Variants in PAX5 observed in about 807,000 individuals in gnomAD.
PAX5 encodes paired box 5.
Under a neutral mutation model 43.7 loss-of-function variants are expected in PAX5, and 9 were observed. That is an observed-to-expected ratio of 0.21 (90% CI 0.12 to 0.36). The LOEUF (loss-of-function observed/expected upper bound fraction) is 0.36. PAX5 is among the 10% of genes least tolerant of loss of function. PAX5 has a pLI of 1.00. For synonymous variants in PAX5, 228 were observed against 214.3 expected, an observed-to-expected ratio of 1.06 and a Z score of -0.56; for missense variants, 383 against 532.7, an observed-to-expected ratio of 0.72 and a Z score of 2.77.
chr9:37,009,535 C>T (rs1377196970), intron 3 of PAX5, among the ~76,000 whole-genome samples: 1 of 152,038 alleles, frequency 6.6e-6, no homozygotes, highest in Non-Finnish European at 1.5e-5. Context: ...CTTTAAAAAG[C>T]ACAAGGCGAG....
chr9:36,962,532 G>C (rs1834060645), intron 6 of PAX5, among the ~76,000 whole-genome samples: 1 of 152,228 alleles, frequency 6.6e-6, no homozygotes, highest in Admixed American at 6.5e-5. Context: ...TTTGTGAACT[G>C]AACGCTGTGG....
At chr9:36,864,649 C>A (rs540783384) in intron 8 of PAX5, among the ~76,000 whole-genome samples, 143 of 152,326 alleles carry the variant, frequency 9.4e-4, no homozygotes, top group Middle Eastern at 3.4e-3. Flanking sequence ...CAGCCTCCCC[C>A]CTCAGCCCAC....
intron 8 of PAX5, 106 bp downstream of exon 8, chr9:36,881,898 C>T (rs991000330): frequency 6.1e-5 from 51 of 838,610 alleles, no homozygotes; most frequent in East Asian, 2.9e-4. Context: ...TATTCAGGTC[C>T]GCTTCTCAGA....
chr9:37,005,192 GTTCCTTTCCTTCT>G lies in PAX5; in HGVS notation c.475+1268_475+1280del, dbSNP rs1564067912. 2.6e-5 allele frequency among the ~76,000 whole-genome samples: 4 copies of G among 152,166 alleles called. No homozygotes were observed. In the South Asian group the frequency reaches 8.3e-4, roughly 32 times the overall value. On this transcript the variant is annotated intron_variant, in intron 4 of 9. Coordinates refer to ENST00000358127, the MANE Select transcript of PAX5 (RefSeq NM_016734.3). ...TCACCCTAGCCCAGCAGAGCTGGTG[GTTCCTTTCCTTCT>G]GCCCCCACAGCACCCATCCCTTCTT...
chr9:36,999,382 C>A (rs1837660424), intron 5 of PAX5, among the ~76,000 whole-genome samples: 1 of 152,224 alleles, frequency 6.6e-6, no homozygotes, highest in African/African-American at 2.4e-5. Context: ...CCCAGTGTCA[C>A]CTCACCCACT....
chr9:37,018,447 G>T (rs1388878470), intron 2 of PAX5, among the ~76,000 whole-genome samples: 3 of 151,514 alleles, frequency 2.0e-5, no homozygotes, highest in African/African-American at 7.3e-5. Context: ...AGATGACAGG[G>T]GTCCCTGTGT....
At chr9:36,913,043 T>C (rs1829433524) in intron 7 of PAX5, among the ~76,000 whole-genome samples, 1 of 152,202 alleles carries the variant, frequency 6.6e-6, no homozygotes, top group Non-Finnish European at 1.5e-5. Flanking sequence ...TGGCTGTTGC[T>C]CAGATTAAAA....
intron 5 of PAX5, among the ~76,000 whole-genome samples, chr9:36,972,888 C>T (rs1176611531): frequency 6.6e-6 from 1 of 151,606 alleles, no homozygotes; most frequent in Non-Finnish European, 1.5e-5. Flanking sequence ...ATTAGCCAGG[C>T]GTGGTGGCGG....
At chr9:37,003,302 G>A (rs1405545041) in intron 4 of PAX5, among the ~76,000 whole-genome samples, 3 of 151,884 alleles carry the variant, frequency 2.0e-5, no homozygotes, top group Non-Finnish European at 2.9e-5. Flanking sequence ...ACCGCAGAGT[G>A]CCCCTTCTTT....
At chr9:36,867,480 G>A (rs1161603954) in intron 8 of PAX5, among the ~76,000 whole-genome samples, 1 of 151,724 alleles carries the variant, frequency 6.6e-6, no homozygotes, top group Non-Finnish European at 1.5e-5. Context: ...GGGCTACCGT[G>A]AGGCTCCACT....
intron 9 of PAX5, 61 bp downstream of exon 9, chr9:36,846,782 G>T (rs2131590226): frequency 8.3e-7 from 1 of 1,208,000 alleles, no homozygotes; most frequent in Non-Finnish European, 1.2e-6. Context: ...AGGCCAGTGA[G>T]GAGGCCTGGA....
At chr9:36,983,672 C>G (rs1458082765) in intron 5 of PAX5, among the ~76,000 whole-genome samples, 4 of 152,116 alleles carry the variant, frequency 2.6e-5, no homozygotes, top group Non-Finnish European at 5.9e-5. Context: ...TGGGGTTTCA[C>G]CATGTTGCCC....
intron 3 of PAX5, among the ~76,000 whole-genome samples, chr9:37,012,091 A>C (rs951180154): frequency 3.9e-5 from 6 of 152,224 alleles, no homozygotes; most frequent in African/African-American, 1.4e-4. Context: ...GGAAGGAGCC[A>C]GAGAATACTC....
chr9:36,990,919 G>A (rs1427882075), intron 5 of PAX5, among the ~76,000 whole-genome samples: 2 of 152,132 alleles, frequency 1.3e-5, no homozygotes, highest in African/African-American at 4.8e-5. Context: ...AGACCAGCCT[G>A]GACAACATGG....
Position 36,929,296 on chromosome 9 carries a change from TGAGA to T in PAX5, c.781-5816_781-5813del, listed in dbSNP as rs141420738. Among the ~76,000 whole-genome samples the T allele has an allele frequency of 6.0e-4, 85 of 141,246 alleles. 1 individual carries two copies. Among genetic ancestry groups the T allele is most frequent in the African/African-American group, 1.8e-3 (66 of 36,066 alleles). The allele number at this position is 141,246 out of a possible 152,430, so 92.7% of individuals were successfully genotyped here. On this transcript the variant is annotated intron_variant, in intron 6 of 9. Coordinates refer to ENST00000358127, the MANE Select transcript of PAX5 (RefSeq NM_016734.3). Reference sequence around the variant, plus strand: ...AAGGAAGGAAGGAAGGAAGGATGGATGAGAGAGAGAGAGAGAGAAAGAAAGAGAA... The same window carrying T: ...AAGGAAGGAAGGAAGGAAGGATGGATGAGAGAGAGAGAGAAAGAAAGAGAA...
intron 8 of PAX5, among the ~76,000 whole-genome samples, chr9:36,855,249 G>C (rs4326461): frequency 0.024 from 3,594 of 152,338 alleles, 60 homozygotes; most frequent in Middle Eastern, 0.051. Context: ...TCGGCTCCTG[G>C]TGTTTGAAAG....
intron 7 of PAX5, among the ~76,000 whole-genome samples, chr9:36,904,650 C>T (rs1333890844): frequency 6.6e-6 from 1 of 151,558 alleles, no homozygotes; most frequent in Non-Finnish European, 1.5e-5. Flanking sequence ...GAAGCTAATG[C>T]ATTTGGGAAG....
At chr9:37,002,525 G>A in intron 5 of PAX5, 123 bp downstream of exon 5, 4 of 1,025,788 alleles carry the variant, frequency 3.9e-6, no homozygotes, top group Non-Finnish European at 5.6e-6. Flanking sequence ...TGCGGGCCGG[G>A]GGACTCGCTC....
At position 37,034,088 on chromosome 9, in the gene PAX5, CT is replaced by C. The variant is rs368036487; in HGVS notation, c.-58del. The stretch of plus-strand genomic sequence containing the variant: ...GGGAAAAGTTTCCACTTTTTTGTGC[CT>C]TTTTTTTTCTTTTTTTTTTTTTTTT... On this transcript the variant is annotated 5_prime_UTR_variant, in exon 1 of 10. Coordinates refer to ENST00000358127, the MANE Select transcript of PAX5 (RefSeq NM_016734.3). 77 of 448,434 alleles carry C rather than the reference CT, an allele frequency of 1.7e-4. 1 individual carries two copies. Among genetic ancestry groups the C allele is most frequent in the Middle Eastern group, 5.8e-4 (1 of 1,718 alleles). 27.8% of individuals were successfully genotyped at this position (448,434 alleles called of 1,614,324 possible). A position where few individuals can be genotyped will look rare whatever the true frequency, so the allele number is the denominator to read the frequency against.
Sources: allele counts gnomAD v4.1 joint callset (sites outside exome capture counted in the v4.1 genomes callset), GRCh38; gene constraint gnomAD v4.1.1; transcripts MANE v1.5; gene names NCBI Gene and HGNC (gene_info 2026-07-23, HGNC 2026-07-21).